The following HIPK2 variants were observed in gnomAD, a reference collection of about 807,000 sequenced individuals.
HIPK2 encodes homeodomain interacting protein kinase 2, also known as homeodomain-interacting protein kinase 2.
HIPK2 carries 27 observed loss-of-function variants against 113.7 expected under a neutral mutation model. The observed-to-expected ratio is 0.24, with a 90% CI of 0.17 to 0.33. HIPK2 has a LOEUF of 0.33. Ranked by LOEUF, HIPK2 falls within the 10% of genes least tolerant of loss-of-function variation. HIPK2 has a pLI of 1.00. For missense variants in HIPK2, 1,257 were observed against 1,588.0 expected, an observed-to-expected ratio of 0.79 and a Z score of 3.54; for synonymous variants, 631 against 642.2, an observed-to-expected ratio of 0.98 and a Z score of 0.26.
At chr7:139,656,185 C>T (rs554530775) in intron 2 of HIPK2, among the ~76,000 whole-genome samples, 1 of 152,132 alleles carries the variant, frequency 6.6e-6, no homozygotes, top group Non-Finnish European at 1.5e-5. Context: ...TACCACCAGG[C>T]AGATGCATTC....
intron 1 of HIPK2, among the ~76,000 whole-genome samples, chr7:139,722,641 G>A (rs572864063): frequency 2.6e-5 from 4 of 151,874 alleles, no homozygotes; most frequent in Non-Finnish European, 5.9e-5. Context: ...TACACAGCAG[G>A]CTCCAGGACA....
chr7:139,596,862 C>T lies in HIPK2; in HGVS notation c.2572G>A (p.Gly858Arg), dbSNP rs759024272. 6.2e-7 allele frequency: 1 copy of T among 1,613,984 alleles called. No individual in the cohort carries two copies. Among genetic ancestry groups the T allele is most frequent in the African/African-American group, 1.3e-5 (1 of 75,064 alleles). ...SPACSTSVTC[G>R]WGDVASSTTR... ...GTGCTGGAGGCCACGTCGCCCCACC[C>T]ACAGGTGACCGAGGTGCTGCAGGCC... The change falls in exon 12 of 15, where the codon GGG becomes AGG. Residue 858 changes from glycine to arginine, a missense_variant. This residue lies in a region of HIPK2 where 862 missense variants were observed against 1,004.3 expected (regional missense o/e 0.86). Transcript: ENST00000406875.
chr7:139,614,948 G>A (rs1181731004), intron 7 of HIPK2, among the ~76,000 whole-genome samples: 2 of 152,236 alleles, frequency 1.3e-5, no homozygotes, highest in African/African-American at 4.8e-5. Context: ...GACAGGGAGA[G>A]AGCTGGACCT....
chr7:139,744,333 T>C (rs1329545263), intron 1 of HIPK2, among the ~76,000 whole-genome samples: 3 of 152,240 alleles, frequency 2.0e-5, no homozygotes, highest in Non-Finnish European at 4.4e-5. Context: ...TCACACATTG[T>C]CTGATTCCAT....
rs1794096539 is a variant in HIPK2, at chr7:139,683,080, A to G, written c.1103+32852T>C. 6.6e-6 allele frequency among the ~76,000 whole-genome samples: 1 copy of G among 152,128 alleles called. No individual in the cohort carries two copies. Among genetic ancestry groups the G allele is most frequent in the Non-Finnish European group, 1.5e-5 (1 of 68,014 alleles). On this transcript the variant is annotated intron_variant, in intron 2 of 14. Transcript: ENST00000406875. The surrounding 1 kb of genome is among the most constrained non-coding windows in gnomAD (Gnocchi z 4.2). ...AAGGCATTTTTACCACCAACACGCC[A>G]CTCAGTAAGGTCACTCCTGGGTTGA... is the stretch of plus-strand genomic sequence containing the variant.
chr7:139,612,399 T>C (rs10266114), intron 9 of HIPK2, among the ~76,000 whole-genome samples: 18,909 of 152,084 alleles, frequency 0.12, 1,266 homozygotes, highest in Middle Eastern at 0.16. Context: ...AGCTTGGTGG[T>C]TGAAATACAG....
At chr7:139,599,443 A>C (rs918251750) in intron 11 of HIPK2, among the ~76,000 whole-genome samples, 17 of 151,996 alleles carry the variant, frequency 1.1e-4, no homozygotes, top group Non-Finnish European at 2.2e-4. Context: ...CTCTGTCTCT[A>C]TGTTTTGCCT....
At position 139,621,801 on chromosome 7, in the gene HIPK2, T is replaced by C. The variant is rs533556688; in HGVS notation, c.1620-1238A>G. Among the ~76,000 whole-genome samples the C allele has an allele frequency of 2.6e-3, 390 of 151,754 alleles. 1 individual carries two copies. The highest frequency in any genetic ancestry group is 0.014 in the Middle Eastern group (4 of 292). ...AGCTGGCTGTGGTGGCACGTGCGCA[T>C]GGTCCCAGCTACTTAGGAGGCTGAG... On this transcript the variant is annotated intron_variant, in intron 6 of 14. Transcript: ENST00000406875.
intron 2 of HIPK2, among the ~76,000 whole-genome samples, chr7:139,645,400 C>G (rs908257757): frequency 6.6e-6 from 1 of 152,194 alleles, no homozygotes; most frequent in Admixed American, 6.5e-5. Flanking sequence ...GGAACCCACT[C>G]AGTAAAAATG....
At chr7:139,763,472 G>GCCCCCCCC (rs547691856) in intron 1 of HIPK2, among the ~76,000 whole-genome samples, 3 of 100,808 alleles carry the variant, frequency 3.0e-5, no homozygotes, top group African/African-American at 1.5e-4. Flanking sequence ...GCCGGAACAC[G>GCCCCCCCC]CCCCCCCCCC....
intron 2 of HIPK2, among the ~76,000 whole-genome samples, chr7:139,700,839 GCCT>G (rs1242064512): frequency 6.6e-6 from 1 of 152,146 alleles, no homozygotes; most frequent in Non-Finnish European, 1.5e-5. Context: ...ACCCAGAGCG[GCCT>G]CCTCCTTCTG....
intron 1 of HIPK2, among the ~76,000 whole-genome samples, chr7:139,718,764 T>C (rs1244172452): frequency 6.6e-6 from 1 of 152,232 alleles, no homozygotes; most frequent in Admixed American, 6.5e-5. Context: ...TCTGCCTTCA[T>C]GTGCGTGCAC....
intron 1 of HIPK2, among the ~76,000 whole-genome samples, chr7:139,720,912 G>A (rs956425317): frequency 6.6e-6 from 1 of 152,200 alleles, no homozygotes; most frequent in Non-Finnish European, 1.5e-5. Context: ...TGCAGAAGTG[G>A]AATTTTACAG....
chr7:139,641,773 G>A (rs992878930), intron 2 of HIPK2, among the ~76,000 whole-genome samples: 1 of 152,224 alleles, frequency 6.6e-6, no homozygotes, highest in Admixed American at 6.5e-5. Flanking sequence ...TGAGACCAGA[G>A]TCAATGTCTT....
intron 12 of HIPK2, among the ~76,000 whole-genome samples, chr7:139,590,343 T>A (rs1569447287): frequency 6.6e-6 from 1 of 152,146 alleles, no homozygotes; most frequent in Non-Finnish European, 1.5e-5. Context: ...TTCAAAATGA[T>A]GAAAATAAAT....
At chr7:139,637,378 T>C (rs1360066129) in intron 2 of HIPK2, among the ~76,000 whole-genome samples, 1 of 152,216 alleles carries the variant, frequency 6.6e-6, no homozygotes, top group African/African-American at 2.4e-5. Context: ...CCAACCACTC[T>C]CCTAGCTTAA....
At chr7:139,707,665 G>A (rs1794942436) in intron 2 of HIPK2, among the ~76,000 whole-genome samples, 1 of 152,186 alleles carries the variant, frequency 6.6e-6, no homozygotes, top group African/African-American at 2.4e-5. Context: ...AGAGCCGAGG[G>A]CACTCCTACT....
rs556730294 is a variant in HIPK2 at position 139,627,350 on chromosome 7, C to T, written c.1435-565G>A. Among the ~76,000 whole-genome samples, 4 of 137,606 alleles carry T rather than the reference C, an allele frequency of 2.9e-5. No individual in the cohort carries two copies. In the South Asian group the frequency reaches 9.1e-4, roughly 31 times the overall value. 90.3% of individuals were successfully genotyped at this position (137,606 alleles called of 152,430 possible). A position where few individuals can be genotyped will look rare whatever the true frequency, so the allele number is the denominator to read the frequency against. On this transcript the variant is annotated intron_variant, in intron 5 of 14. Transcript: ENST00000406875. ...TGTATGTATGTATGCATGTATTTAA[C>T]CTTTAGAGGGAAGTGGAAGGGCCTG... is the stretch of plus-strand genomic sequence containing the variant.
At chr7:139,669,922 C>G (rs1400103489) in intron 2 of HIPK2, among the ~76,000 whole-genome samples, 1 of 152,162 alleles carries the variant, frequency 6.6e-6, no homozygotes, top group African/African-American at 2.4e-5. Flanking sequence ...CTGGAATAAT[C>G]AAGCTTTATT....
Sources: allele counts gnomAD v4.1 joint callset (sites outside exome capture counted in the v4.1 genomes callset), GRCh38; gene constraint gnomAD v4.1.1; regional missense constraint gnomAD v4.1.1; non-coding constraint Gnocchi (gnomAD v3.1); transcripts MANE v1.5; gene names NCBI Gene and HGNC (gene_info 2026-07-23, HGNC 2026-07-21).